Variants in C13orf42 observed in about 807,000 individuals in gnomAD.
C13orf42 encodes uncharacterized protein C13orf42.
At chr13:51,110,451 T>C (rs1004298206) in intron 1 of C13orf42, among the ~76,000 whole-genome samples, 6 of 152,082 alleles carry the variant, frequency 3.9e-5, no homozygotes, top group Non-Finnish European at 8.8e-5. Context: ...AAAATAAACA[T>C]GGATCAAGAA....
At chr13:51,094,155 G>A (rs1249387608) in intron 1 of C13orf42, among the ~76,000 whole-genome samples, 2 of 152,038 alleles carry the variant, frequency 1.3e-5, no homozygotes, top group African/African-American at 4.8e-5. Context: ...CATAACAAAT[G>A]CCCAATATTC....
At chr13:51,088,184 T>A (rs1375749179) in intron 1 of C13orf42, 109 bp from the exon 2 acceptor site, 2 of 395,640 alleles carry the variant, frequency 5.1e-6, no homozygotes, top group Non-Finnish European at 8.9e-6. Context: ...TAGGGATTTG[T>A]GAGGTTTCAA....
chr13:51,107,801 C>G (rs978747255), intron 1 of C13orf42, among the ~76,000 whole-genome samples: 3 of 152,208 alleles, frequency 2.0e-5, no homozygotes, highest in African/African-American at 7.2e-5. Context: ...CTGCAGTCCA[C>G]CAGGGGAGAC....
intron 1 of C13orf42, among the ~76,000 whole-genome samples, chr13:51,141,422 T>C (rs1050930073): frequency 6.6e-6 from 1 of 152,120 alleles, no homozygotes; most frequent in East Asian, 1.9e-4. Context: ...GCAGGCCTAA[T>C]ACGTTTTTAT....
intron 1 of C13orf42, among the ~76,000 whole-genome samples, chr13:51,094,525 T>G (rs968584535): frequency 2.6e-5 from 4 of 152,290 alleles, no homozygotes; most frequent in African/African-American, 9.6e-5. Context: ...TTTAGAGAAT[T>G]TTAAAATGTT....
chr13:51,107,676 A>G (rs1344181733), intron 1 of C13orf42, among the ~76,000 whole-genome samples: 1 of 152,228 alleles, frequency 6.6e-6, no homozygotes, highest in Non-Finnish European at 1.5e-5. Flanking sequence ...CACAAAAGAC[A>G]TCAGACTTTT....
At chr13:51,106,124 A>G (rs1484512787) in intron 1 of C13orf42, among the ~76,000 whole-genome samples, 1 of 152,240 alleles carries the variant, frequency 6.6e-6, no homozygotes, top group East Asian at 1.9e-4. Context: ...AGAGACCTAG[A>G]GTAAAACTGG....
intron 1 of C13orf42, among the ~76,000 whole-genome samples, chr13:51,093,155 T>A (rs1033725640): frequency 2.0e-5 from 3 of 152,190 alleles, no homozygotes; most frequent in Non-Finnish European, 4.4e-5. Flanking sequence ...CCAAACAAGG[T>A]CCACATTTAG....
intron 1 of C13orf42, among the ~76,000 whole-genome samples, chr13:51,158,024 C>A (rs1011607044): frequency 7.9e-5 from 12 of 152,204 alleles, no homozygotes; most frequent in Admixed American, 1.3e-4. Flanking sequence ...CAACAAAAAA[C>A]CAGGCTTTGC....
chr13:51,085,481 G>A lies in C13orf42; in HGVS notation c.641C>T (p.Ala214Val). 1 of 398,660 alleles carries A rather than the reference G, an allele frequency of 2.5e-6. No individual in the cohort carries two copies. The highest frequency in any genetic ancestry group is 4.4e-6 in the Non-Finnish European group (1 of 226,080). 24.7% of individuals were successfully genotyped at this position (398,660 alleles called of 1,614,324 possible). Residue 214 changes from alanine to valine, a missense_variant, in exon 3 of 4, where the codon GCT (alanine) becomes GTT (valine). Transcript: ENST00000563710. Reference sequence around the variant, plus strand: ...GTCTACAGTATGCACAGTGTGGGCAGCGATATCCTCGGAGTGTCTGCGCGG... The same window carrying A: ...GTCTACAGTATGCACAGTGTGGGCAACGATATCCTCGGAGTGTCTGCGCGG... ...RAPRRHSEDIAAHTVHTVDGQ... is the reference protein window; with the variant it reads ...RAPRRHSEDIVAHTVHTVDGQ...
At chr13:51,095,256 T>A (rs1245741598) in intron 1 of C13orf42, among the ~76,000 whole-genome samples, 1 of 152,234 alleles carries the variant, frequency 6.6e-6, no homozygotes, top group Non-Finnish European at 1.5e-5. Context: ...GTCATTTTTC[T>A]CTTTGTCCTT....
At chr13:51,136,284 T>C (rs759783057) in intron 1 of C13orf42, among the ~76,000 whole-genome samples, 11 of 152,126 alleles carry the variant, frequency 7.2e-5, no homozygotes, top group Non-Finnish European at 1.6e-4. Context: ...AAGACACAGA[T>C]AACCCCCAAC....
At chr13:51,159,917 C>T (rs1365382028) in intron 1 of C13orf42, among the ~76,000 whole-genome samples, 1 of 152,028 alleles carries the variant, frequency 6.6e-6, no homozygotes, top group Non-Finnish European at 1.5e-5. Flanking sequence ...ACAATCATGG[C>T]GGAGGGTGAA....
chr13:51,138,122 G>A (rs1034278214), intron 1 of C13orf42, among the ~76,000 whole-genome samples: 1 of 152,180 alleles, frequency 6.6e-6, no homozygotes, highest in Admixed American at 6.5e-5. Context: ...GCAGGCCCTG[G>A]CGAGGAGGAG....
exon 1 of C13orf42, chr13:51,172,293 CCTCT>C (rs1593562948): frequency 6.6e-6 from 1 of 152,098 alleles, no homozygotes; most frequent in Admixed American, 6.5e-5. Flanking sequence ...CTGGCCCAAG[CCTCT>C]CTGACTGACT....
At position 51,103,901 on chromosome 13, in the gene C13orf42, G is replaced by A. The variant is rs149022247; in HGVS notation, c.414+6895C>T. Among the ~76,000 whole-genome samples, 229 of 152,254 alleles carry A rather than the reference G, an allele frequency of 1.5e-3. 2 individuals are homozygous for A. Among genetic ancestry groups the A allele is most frequent in the African/African-American group, 5.2e-3 (218 of 41,536 alleles). On this transcript the variant is annotated intron_variant, in intron 1 of 3. Coordinates refer to ENST00000563710, the MANE Select transcript of C13orf42 (RefSeq NM_001351589.3). ...GGGGAAAGGGGGAAATGAGGAGTTCGTGTTCGATGGGTGCAGTTTCTGTTT... is the reference window on the plus strand; with the variant it reads ...GGGGAAAGGGGGAAATGAGGAGTTCATGTTCGATGGGTGCAGTTTCTGTTT...
chr13:51,103,545 A>G (rs1472735512), intron 1 of C13orf42, among the ~76,000 whole-genome samples: 1 of 152,180 alleles, frequency 6.6e-6, no homozygotes, highest in Non-Finnish European at 1.5e-5. Context: ...TACTAAAAAT[A>G]CAAAAATTAG....
intron 1 of C13orf42, among the ~76,000 whole-genome samples, chr13:51,138,265 G>A (rs572136253): frequency 9.8e-5 from 15 of 152,288 alleles, no homozygotes; most frequent in Middle Eastern, 6.8e-3. Context: ...TGACTTCACA[G>A]TTTTAGAAAT....
chr13:51,147,730 A>G (rs889381297), intron 1 of C13orf42, among the ~76,000 whole-genome samples: 8 of 151,876 alleles, frequency 5.3e-5, no homozygotes, highest in Admixed American at 4.6e-4. Flanking sequence ...CTGTGTCTCA[A>G]AAAAAAACAA....
Sources: allele counts gnomAD v4.1 joint callset (sites outside exome capture counted in the v4.1 genomes callset), GRCh38; gene constraint gnomAD v4.1.1; transcripts MANE v1.5; gene names NCBI Gene and HGNC (gene_info 2026-07-23, HGNC 2026-07-21).